The following FBXL22 variants were observed in gnomAD, a reference collection of about 807,000 sequenced individuals.
FBXL22 encodes the protein F-box and leucine rich repeat protein 22.
In FBXL22, 13 loss-of-function variants were observed where a neutral mutation model predicts 11.7. That is an observed-to-expected ratio of 1.11 (90% CI 0.73 to 1.77). FBXL22 has a LOEUF of 1.77. Among genes scored for constraint, FBXL22 ranks in the 40% most tolerant of loss-of-function variants. FBXL22 has a pLI of 0.00. For missense variants in FBXL22, 406 were observed against 320.4 expected, an observed-to-expected ratio of 1.27 and a Z score of -2.04; for synonymous variants, 160 against 144.1, an observed-to-expected ratio of 1.11 and a Z score of -0.79.
downstream of FBXL22, among the ~76,000 whole-genome samples, chr15:63,603,584 C>T (rs2067397688): frequency 6.6e-6 from 1 of 152,204 alleles, no homozygotes; most frequent in African/African-American, 2.4e-5. Context: ...AACCAGGGCG[C>T]CATGCACAGA....
chr15:63,597,515 C>T lies in FBXL22; in HGVS notation c.123C>T (p.Asp41=), dbSNP rs138708498. Residue 41 remains aspartate (D), a synonymous_variant, in exon 1 of 2, where the codon GAC becomes GAT. Transcript: ENST00000638704. The surrounding 1 kb of genome is among the most constrained non-coding windows in gnomAD (Gnocchi z 4.3). ...CCAGGACCTGCTCCCAGCTCCACGACGTGTTTGAGGACCCCGCACTCTGGT... is the reference window on the plus strand; with the variant it reads ...CCAGGACCTGCTCCCAGCTCCACGATGTGTTTGAGGACCCCGCACTCTGGT... ...SLARTCSQLH[D]VFEDPALWSL... is the part of the protein sequence containing the mutation. 9.1e-5 allele frequency: 147 copies of T among 1,614,032 alleles called. No homozygotes were observed. Among genetic ancestry groups the T allele is most frequent in the Non-Finnish European group, 1.1e-4 (130 of 1,180,038 alleles).
chr15:63,597,697 G>A lies in FBXL22; in HGVS notation c.305G>A (p.Ser102Asn), dbSNP rs766002635. Reference sequence around the variant, plus strand: ...AGTGCCTTCCAGAGAAGCATCTGCAGCCGGCACGAGAGCCTGGTCAATGAT... The same window carrying A: ...AGTGCCTTCCAGAGAAGCATCTGCAACCGGCACGAGAGCCTGGTCAATGAT... ...LKSAFQRSICSRHESLVNDFL... is the reference protein window; with the variant it reads ...LKSAFQRSICNRHESLVNDFL... Residue 102 changes from serine (S) to asparagine (N), a missense_variant, in exon 1 of 2, where the codon AGC becomes AAC. By Grantham distance (46) the Ser-to-Asn change is conservative. Transcript: ENST00000638704. The surrounding 1 kb of genome is among the most constrained non-coding windows in gnomAD (Gnocchi z 4.3). The A allele has an allele frequency of 8.1e-6, 13 of 1,599,674 alleles. No homozygotes were observed. The highest frequency in any genetic ancestry group is 1.7e-5 in the Admixed American group (1 of 59,820).
chr15:63,601,534 C>T (rs772591565), downstream of FBXL22: 7 of 1,556,968 alleles, frequency 4.5e-6, no homozygotes, highest in Admixed American at 3.9e-5. Context: ...ACCGCCACCT[C>T]CAGGAGCCCC....
chr15:63,600,981 A>C lies in FBXL22; in HGVS notation c.638A>C (p.Asp213Ala). 8.4e-7 allele frequency: 1 copy of C among 1,191,900 alleles called. No individual in the cohort carries two copies. The highest frequency in any genetic ancestry group is 3.5e-5 in the East Asian group (1 of 28,252). The allele number at this position is 1,191,900 out of a possible 1,614,324, so 73.8% of individuals were successfully genotyped here. The change falls in exon 2 of 2, where the codon GAC becomes GCC. Residue 213 changes from aspartate (D) to alanine (A), a missense_variant. By Grantham distance (126) the Asp-to-Ala change is moderately radical (BLOSUM62 -2). Coordinates refer to ENST00000638704, the MANE Select transcript of FBXL22 (RefSeq NM_001367807.1). ...GAGCACAGCGCCGCCATGCTGCCCGACCAGCCCCCGCGCCCGCGCGCGCCC... is the reference window on the plus strand; with the variant it reads ...GAGCACAGCGCCGCCATGCTGCCCGCCCAGCCCCCGCGCCCGCGCGCGCCC... ...RAEHSAAMLPDQPPRPRAPAA... is the reference protein window; with the variant it reads ...RAEHSAAMLPAQPPRPRAPAA...
At chr15:63,607,664 C>T in the FBXL22 span, among the ~76,000 whole-genome samples, 2 of 152,268 alleles carry the variant, frequency 1.3e-5, no homozygotes, top group African/African-American at 2.4e-5. Context: ...TGAAGACATA[C>T]ACCTATCTTC....
the FBXL22 span, among the ~76,000 whole-genome samples, chr15:63,608,374 G>C: frequency 6.1e-4 from 93 of 152,306 alleles, 2 homozygotes; most frequent in African/African-American, 2.1e-3. Flanking sequence ...GAGAGACCCA[G>C]GATGACAGAA....
the FBXL22 span, among the ~76,000 whole-genome samples, chr15:63,608,349 G>A: frequency 3.3e-5 from 5 of 152,342 alleles, no homozygotes; most frequent in South Asian, 1.0e-3. Context: ...CGGAGCAGCT[G>A]AGGGAACAAA....
At chr15:63,598,383 C>T (rs1023895978) in intron 1 of FBXL22, among the ~76,000 whole-genome samples, 1 of 152,190 alleles carries the variant, frequency 6.6e-6, no homozygotes, top group African/African-American at 2.4e-5. Flanking sequence ...ATATGAATTT[C>T]AGATAAACAG....
chr15:63,599,260 T>C, intron 1 of FBXL22: 1 of 1,525,126 alleles, frequency 6.6e-7, no homozygotes, highest in Non-Finnish European at 8.8e-7. Context: ...GAGGAATGGC[T>C]GAGGATGGCT....
intron 1 of FBXL22, chr15:63,599,263 G>A: frequency 6.6e-7 from 1 of 1,523,464 alleles, no homozygotes; most frequent in Non-Finnish European, 8.8e-7. Flanking sequence ...GAATGGCTGA[G>A]GATGGCTGGG....
rs933242698 is a variant in FBXL22 at position 63,599,202 on chromosome 15, G to A, written c.353+1457G>A. The A allele has an allele frequency of 5.9e-6, 9 of 1,535,846 alleles. No homozygotes were observed. The African/African-American group carries it at 8.2e-5, about 14-fold the overall frequency. ...TGGCACCTGGCACATAGTAGGTACTGATGAACGTCTACTGAATCTGGTTCT... is the reference window on the plus strand; with the variant it reads ...TGGCACCTGGCACATAGTAGGTACTAATGAACGTCTACTGAATCTGGTTCT... On this transcript the variant is annotated intron_variant, in intron 1 of 1. Coordinates refer to ENST00000638704, the MANE Select transcript of FBXL22 (RefSeq NM_001367807.1).
chr15:63,601,798 GA>G (rs982470211), downstream of FBXL22: 93 of 1,333,034 alleles, frequency 7.0e-5, no homozygotes, highest in Middle Eastern at 2.6e-4. Context: ...TGATTTGGAA[GA>G]AAAAAAAAGC....
At chr15:63,600,583 C>T in intron 1 of FBXL22, 114 bp from the exon 2 acceptor site, 1 of 1,229,802 alleles carries the variant, frequency 8.1e-7, no homozygotes, top group South Asian at 4.2e-5. Flanking sequence ...AGCCAAGTGT[C>T]TTCACCTCGC....
At chr15:63,608,418 G>A in the FBXL22 span, among the ~76,000 whole-genome samples, 2 of 152,118 alleles carry the variant, frequency 1.3e-5, no homozygotes, top group Non-Finnish European at 2.9e-5. Flanking sequence ...CAACCCAGAG[G>A]GATCTCCTAG....
At chr15:63,601,678 C>T (rs777148468), downstream of FBXL22, 1 of 1,605,772 alleles carries the variant, frequency 6.2e-7, no homozygotes, top group East Asian at 2.2e-5. Context: ...GGATGCGTTC[C>T]CGCAGTGACC....
At chr15:63,599,515 T>C in intron 1 of FBXL22, 1 of 1,141,698 alleles carries the variant, frequency 8.8e-7, no homozygotes, top group Non-Finnish European at 1.1e-6. Flanking sequence ...AGCCAGTTTC[T>C]TCATGTACAA....
chr15:63,601,379 C>G, downstream of FBXL22: 1 of 1,604,920 alleles, frequency 6.2e-7, no homozygotes, highest in East Asian at 2.2e-5. Context: ...CCGAAATCAC[C>G]TCGGTGGGGA....
At chr15:63,607,235 C>T (rs369448369), downstream of FBXL22, among the ~76,000 whole-genome samples, 5 of 152,174 alleles carry the variant, frequency 3.3e-5, no homozygotes, top group South Asian at 6.2e-4. Context: ...TTAGTAGAGA[C>T]GGGGTTTCAC....
rs2067361007 is a variant in FBXL22 at position 63,600,951 on chromosome 15, G to C, written c.608G>C (p.Arg203Pro). 6 of 1,198,002 alleles carry C rather than the reference G, an allele frequency of 5.0e-6. No homozygotes were observed. Among genetic ancestry groups the C allele is most frequent in the African/African-American group, 1.6e-5 (1 of 62,816 alleles). The allele number at this position is 1,198,002 out of a possible 1,614,324, so 74.2% of individuals were successfully genotyped here. The change falls in exon 2 of 2, where the codon CGG (arginine) becomes CCG (proline). Residue 203 changes from arginine to proline, a missense_variant. By Grantham distance (103) the Arg-to-Pro change is moderately radical (BLOSUM62 -2). Coordinates refer to ENST00000638704, the MANE Select transcript of FBXL22 (RefSeq NM_001367807.1). ...LRAACPRLAL[R>P]AEHSAAMLPD... The stretch of plus-strand genomic sequence containing the variant: ...GCCGCGTGCCCGCGCCTGGCCCTGC[G>C]GGCAGAGCACAGCGCCGCCATGCTG...
Sources: allele counts gnomAD v4.1 joint callset (sites outside exome capture counted in the v4.1 genomes callset), GRCh38; gene constraint gnomAD v4.1.1; non-coding constraint Gnocchi (gnomAD v3.1); transcripts MANE v1.5; gene names NCBI Gene and HGNC (gene_info 2026-07-23, HGNC 2026-07-21).